The following RSU1 variants were observed in gnomAD, a reference collection of about 807,000 sequenced individuals.
RSU1 encodes the protein Ras suppressor protein 1.
Under a neutral mutation model 31.1 loss-of-function variants are expected in RSU1, and 26 were observed. The observed-to-expected ratio is 0.84, with a 90% confidence interval of 0.61 to 1.16. RSU1 has a LOEUF of 1.16. RSU1 is among the 50% of genes most tolerant of loss of function. RSU1 has a pLI of 0.00. For missense variants in RSU1, 320 were observed against 339.1 expected (o/e 0.94, Z 0.44); for synonymous variants, 164 against 136.3 (o/e 1.20, Z -1.41).
chr10:16,612,133 G>C (rs1166406835), intron 8 of RSU1, among the ~76,000 whole-genome samples: 1 of 152,092 alleles, frequency 6.6e-6, no homozygotes, highest in East Asian at 1.9e-4. Context: ...CTCAGAACTG[G>C]GGTTGTCCAT....
intron 7 of RSU1, among the ~76,000 whole-genome samples, chr10:16,701,968 T>C (rs1437169207): frequency 6.6e-6 from 1 of 152,260 alleles, no homozygotes; most frequent in African/African-American, 2.4e-5. Context: ...CTGGCATTCA[T>C]TTAGGATTTC....
chr10:16,698,810 C>T (rs1564322155), intron 7 of RSU1, among the ~76,000 whole-genome samples: 1 of 152,202 alleles, frequency 6.6e-6, no homozygotes, highest in Non-Finnish European at 1.5e-5. Flanking sequence ...AGGCTATTCA[C>T]GATCATCTTC....
At chr10:16,652,877 C>A (rs1834712009) in intron 8 of RSU1, among the ~76,000 whole-genome samples, 2 of 151,788 alleles carry the variant, frequency 1.3e-5, no homozygotes, top group South Asian at 4.2e-4. Flanking sequence ...TGGGGTCTCG[C>A]TCTGTTGCCC....
At chr10:16,695,179 G>GGGT in intron 7 of RSU1, 24 bp from the exon 8 acceptor site, 1 of 1,527,636 alleles carries the variant, frequency 6.5e-7, no homozygotes. Flanking sequence ...AAAAAAAAGT[G>GGGT]AAGGTCACTT....
intron 7 of RSU1, among the ~76,000 whole-genome samples, chr10:16,710,663 T>C (rs72774624): frequency 3.3e-5 from 5 of 151,990 alleles, no homozygotes; most frequent in Admixed American, 2.0e-4. Flanking sequence ...ACATTTTTTT[T>C]AAATTTTTTT....
At chr10:16,811,389 G>C (rs186062612) in intron 2 of RSU1, among the ~76,000 whole-genome samples, 1 of 152,164 alleles carries the variant, frequency 6.6e-6, no homozygotes, top group Admixed American at 6.5e-5. Context: ...ATCAGGTACC[G>C]GGTGGTACAC....
intron 8 of RSU1, among the ~76,000 whole-genome samples, chr10:16,673,558 G>C (rs947033823): frequency 2.9e-4 from 44 of 152,272 alleles, no homozygotes; most frequent in African/African-American, 1.0e-3. Context: ...TGTCTTGACA[G>C]GATTCTTCTG....
At chr10:16,734,627 A>C (rs936547331) in intron 7 of RSU1, among the ~76,000 whole-genome samples, 1 of 152,228 alleles carries the variant, frequency 6.6e-6, no homozygotes, top group African/African-American at 2.4e-5. Flanking sequence ...ATAATGGCTT[A>C]AGGTAACTTG....
At chr10:16,661,586 C>G (rs1834892390) in intron 8 of RSU1, among the ~76,000 whole-genome samples, 1 of 152,174 alleles carries the variant, frequency 6.6e-6, no homozygotes, top group South Asian at 2.1e-4. Context: ...ACTATGATGA[C>G]TACTATTTTT....
intron 7 of RSU1, among the ~76,000 whole-genome samples, chr10:16,703,518 T>C (rs1013315755): frequency 9.2e-5 from 14 of 152,220 alleles, no homozygotes; most frequent in African/African-American, 2.9e-4. Context: ...GTGTTGCTTA[T>C]GTCCTTCTGA....
At chr10:16,711,639 T>C (rs989646160) in intron 7 of RSU1, among the ~76,000 whole-genome samples, 2 of 152,206 alleles carry the variant, frequency 1.3e-5, no homozygotes, top group Non-Finnish European at 1.5e-5. Context: ...GTTAATTTAA[T>C]TGACCCACTG....
At chr10:16,629,977 CTCTT>C (rs1202771543) in intron 8 of RSU1, among the ~76,000 whole-genome samples, 3 of 152,160 alleles carry the variant, frequency 2.0e-5, no homozygotes, top group African/African-American at 2.4e-5. Context: ...TTACTTAACT[CTCTT>C]TGAGAAAAAA....
intron 8 of RSU1, among the ~76,000 whole-genome samples, chr10:16,685,383 A>G (rs1304901999): frequency 6.6e-6 from 1 of 152,256 alleles, no homozygotes; most frequent in East Asian, 1.9e-4. Flanking sequence ...GAGTAAAGTT[A>G]AAGGAAGTTT....
intron 3 of RSU1, among the ~76,000 whole-genome samples, chr10:16,775,355 G>A (rs957999154): frequency 6.6e-6 from 1 of 152,162 alleles, no homozygotes; most frequent in Non-Finnish European, 1.5e-5. Flanking sequence ...TCCACAGCCT[G>A]CCACCGTTCT....
chr10:16,641,506 A>G (rs1834442010), intron 8 of RSU1, among the ~76,000 whole-genome samples: 1 of 151,038 alleles, frequency 6.6e-6, no homozygotes, highest in Non-Finnish European at 1.5e-5. Flanking sequence ...AAAAAAAAAA[A>G]AATTAAAAAG....
At chr10:16,654,595 G>A (rs964073487) in intron 8 of RSU1, among the ~76,000 whole-genome samples, 1 of 150,872 alleles carries the variant, frequency 6.6e-6, no homozygotes, top group South Asian at 2.4e-4. Context: ...GCTTGAACCC[G>A]GGAGGTGGAG....
intron 2 of RSU1, among the ~76,000 whole-genome samples, chr10:16,814,885 A>C (rs45528743): frequency 3.0e-4 from 46 of 152,366 alleles, no homozygotes; most frequent in Admixed American, 7.2e-4. Flanking sequence ...AACGGAGCTG[A>C]ACCGAAATAG....
chr10:16,812,670 T>C (rs572688833), intron 2 of RSU1, among the ~76,000 whole-genome samples: 2 of 152,178 alleles, frequency 1.3e-5, no homozygotes, highest in African/African-American at 4.8e-5. Flanking sequence ...TGAAAGCAGG[T>C]TGTTTTCGAG....
chr10:16,708,456 GCA>G (rs1336764202), intron 7 of RSU1, among the ~76,000 whole-genome samples: 2 of 152,110 alleles, frequency 1.3e-5, no homozygotes, highest in Admixed American at 1.3e-4. Flanking sequence ...AAGTGAGCCT[GCA>G]CAGTTTAAAT....
Sources: gnomAD v4.1 joint callset for allele counts (sites outside exome capture counted in the v4.1 genomes callset) on GRCh38, gnomAD v4.1.1 for gene constraint, MANE v1.5 for transcripts, NCBI Gene and HGNC (gene_info 2026-07-23, HGNC 2026-07-21) for gene names.